The following MYO1D variants were observed in gnomAD, a reference collection of about 807,000 sequenced individuals.
MYO1D encodes myosin ID.
MYO1D carries 83 observed loss-of-function variants against 122.0 expected under a neutral mutation model. The observed-to-expected ratio is 0.68, with a 90% CI of 0.57 to 0.82. The LOEUF is 0.82. MYO1D is among the 40% of genes least tolerant of loss of function. MYO1D has a pLI of 0.00. For synonymous variants in MYO1D, 464 were observed against 446.9 expected (o/e 1.04, Z -0.48); for missense variants, 1,157 against 1,269.5 (o/e 0.91, Z 1.35).
At chr17:32,815,304 G>T (rs950593098) in intron 1 of MYO1D, among the ~76,000 whole-genome samples, 4 of 152,032 alleles carry the variant, frequency 2.6e-5, no homozygotes, top group African/African-American at 9.7e-5. Context: ...ATAAACTGTA[G>T]GAAAAAAGAT....
At chr17:32,772,273 C>G (rs530416052) in intron 5 of MYO1D, among the ~76,000 whole-genome samples, 2 of 152,152 alleles carry the variant, frequency 1.3e-5, no homozygotes, top group Non-Finnish European at 2.9e-5. Flanking sequence ...AATAAATACT[C>G]AAATTTTTTT....
rs947809603 is a variant in MYO1D at position 32,743,173 on chromosome 17, A to G, written c.1613+2038T>C. Among the ~76,000 whole-genome samples, 3 of 152,240 alleles carry G rather than the reference A, an allele frequency of 2.0e-5. 1 individual carries two copies. Among genetic ancestry groups the G allele is most frequent in the Middle Eastern group, 6.8e-3 (2 of 294 alleles). On this transcript the variant is annotated intron_variant, in intron 13 of 21. Transcript: ENST00000318217. Reference sequence around the variant, plus strand: ...TTGTCTCTACATGTTACAGTGTCTCAGGAATTAGTCTTTTTAACCTCTTCT... The same window carrying G: ...TTGTCTCTACATGTTACAGTGTCTCGGGAATTAGTCTTTTTAACCTCTTCT...
intron 7 of MYO1D, among the ~76,000 whole-genome samples, chr17:32,765,724 C>T (rs1191975396): frequency 3.3e-5 from 5 of 152,180 alleles, no homozygotes; most frequent in Non-Finnish European, 7.3e-5. Context: ...TCCCAAAGTG[C>T]TGGGATTACA....
Position 32,778,584 on chromosome 17 carries a change from A to C in MYO1D, c.305-11T>G. The C allele has an allele frequency of 6.2e-7, 1 of 1,605,378 alleles. No homozygotes were observed. The highest frequency in any genetic ancestry group is 8.5e-7 in the Non-Finnish European group (1 of 1,172,086). ...CAGCTCCACTTTCCCCTGGGGGGAA[A>C]AATTGTTCAGGGCTTAACATAATAA... On this transcript the variant is annotated splice_polypyrimidine_tract_variant and intron_variant, in intron 2 of 21. Coordinates refer to ENST00000318217, the MANE Select transcript of MYO1D (RefSeq NM_015194.3).
At chr17:32,732,824 G>C (rs1326279720) in intron 14 of MYO1D, among the ~76,000 whole-genome samples, 1 of 152,230 alleles carries the variant, frequency 6.6e-6, no homozygotes, top group Non-Finnish European at 1.5e-5. Context: ...GAGAAGAGCT[G>C]TGGCCCTTCA....
chr17:32,507,387 G>A (rs1218424345), intron 21 of MYO1D, among the ~76,000 whole-genome samples: 1 of 152,182 alleles, frequency 6.6e-6, no homozygotes, highest in Non-Finnish European at 1.5e-5. Flanking sequence ...CTGGGTGACA[G>A]AGCGAGACCC....
rs183054147 is a variant in MYO1D, at chr17:32,861,754, A to C, written c.95+15024T>G. 1.1e-3 allele frequency among the ~76,000 whole-genome samples: 163 copies of C among 152,236 alleles called. 1 individual carries two copies. The highest frequency in any genetic ancestry group is 2.2e-4 in the Non-Finnish European group (15 of 68,010). On this transcript the variant is annotated intron_variant, in intron 1 of 21. Transcript: ENST00000318217. Reference sequence around the variant, plus strand: ...ATGTCTCGGCCAGGTGCCACGGTTCACACCTGTAATTCCAACACTGGGAGG... The same window carrying C: ...ATGTCTCGGCCAGGTGCCACGGTTCCCACCTGTAATTCCAACACTGGGAGG...
At chr17:32,546,119 G>C (rs2086963076) in intron 21 of MYO1D, among the ~76,000 whole-genome samples, 1 of 152,042 alleles carries the variant, frequency 6.6e-6, no homozygotes, top group Non-Finnish European at 1.5e-5. Flanking sequence ...CACCCGCCCT[G>C]GAGCACCCAG....
intron 1 of MYO1D, among the ~76,000 whole-genome samples, chr17:32,871,268 A>G (rs1161452007): frequency 1.3e-5 from 2 of 152,318 alleles, no homozygotes; most frequent in African/African-American, 4.8e-5. Context: ...CATAAATGAA[A>G]GAGGAGTGGA....
chr17:32,712,836 G>A (rs1385199816), intron 15 of MYO1D, among the ~76,000 whole-genome samples: 4 of 152,176 alleles, frequency 2.6e-5, no homozygotes, highest in African/African-American at 9.7e-5. Flanking sequence ...GAGTGTGAGT[G>A]TGAACAAGAC....
intron 16 of MYO1D, among the ~76,000 whole-genome samples, chr17:32,683,093 G>T (rs1182734933): frequency 7.9e-6 from 1 of 126,622 alleles, no homozygotes; most frequent in African/African-American, 3.2e-5. Flanking sequence ...TTGGTTTTCA[G>T]CTCCATCAGC....
intron 21 of MYO1D, chr17:32,594,437 A>C (rs1248331618): frequency 8.8e-6 from 4 of 453,044 alleles, no homozygotes; most frequent in Non-Finnish European, 1.6e-5. Flanking sequence ...TACTTCATTC[A>C]AATAATTGAA....
In MYO1D at chr17:32,493,767, T is replaced by C. The variant is rs1298325635; in HGVS notation, c.*992A>G. The C allele has an allele frequency of 6.6e-6, 1 of 152,240 alleles. No individual in the cohort carries two copies. Among genetic ancestry groups the C allele is most frequent in the Non-Finnish European group, 1.5e-5 (1 of 68,100 alleles). The allele number at this position is 152,240 out of a possible 1,614,324, so 9.4% of individuals were successfully genotyped here. On this transcript the variant is annotated 3_prime_UTR_variant, in exon 22 of 22. Coordinates refer to ENST00000318217, the MANE Select transcript of MYO1D (RefSeq NM_015194.3). ...GTGGGCATCCTGGCCTGGCCTGCAG[T>C]GCCAGGACCCCACGCTGTGCTGCTG...
intron 1 of MYO1D, among the ~76,000 whole-genome samples, chr17:32,861,068 CTTT>C (rs1205679858): frequency 1.0e-4 from 14 of 135,730 alleles, no homozygotes; most frequent in Admixed American, 2.2e-4. Flanking sequence ...GGTGTTTATT[CTTT>C]TTTTTTTTTT....
intron 21 of MYO1D, among the ~76,000 whole-genome samples, chr17:32,576,682 G>T (rs887258508): frequency 2.0e-5 from 3 of 152,122 alleles, no homozygotes; most frequent in African/African-American, 7.2e-5. Context: ...ATGAGACAAG[G>T]TCTTGCTCTG....
At chr17:32,502,205 A>G (rs533408541) in intron 21 of MYO1D, among the ~76,000 whole-genome samples, 2 of 152,376 alleles carry the variant, frequency 1.3e-5, no homozygotes, top group South Asian at 2.1e-4. Context: ...CATCCATTCA[A>G]TGAAATATTA....
At position 32,654,587 on chromosome 17, in the gene MYO1D, C is replaced by A. The variant is rs1427555219; in HGVS notation, c.2380G>T (p.Ala794Ser). 2 of 1,613,394 alleles carry A rather than the reference C, an allele frequency of 1.2e-6. No individual in the cohort carries two copies. Among genetic ancestry groups the A allele is most frequent in the South Asian group, 1.1e-5 (1 of 90,948 alleles). The change falls in exon 18 of 22, where the codon GCC (alanine) becomes TCC (serine). Residue 794 changes from alanine to serine, a missense_variant. By Grantham distance (99) the Ala-to-Ser change is moderately conservative. Transcript: ENST00000318217. ...RASQLIKSIP[A>S]SDLPQVRAKV... ...GCCCTGACCTGGGGCAGGTCTGAGG[C>A]CGGAATGCTCTTGATGAGCTGGGAT...
At chr17:32,527,821 A>C (rs1910390590) in intron 21 of MYO1D, among the ~76,000 whole-genome samples, 1 of 145,622 alleles carries the variant, frequency 6.9e-6, no homozygotes, top group Admixed American at 7.2e-5. Context: ...AATAAAAGCT[A>C]CATAAAAGCA....
intron 4 of MYO1D, 34 bp downstream of exon 4, chr17:32,775,829 TA>T (rs1465278062): frequency 1.9e-6 from 3 of 1,543,060 alleles, no homozygotes; most frequent in Non-Finnish European, 2.7e-6. Context: ...ATTCAGCACT[TA>T]AAACATTACC....
Sources: gnomAD v4.1 joint callset for allele counts (sites outside exome capture counted in the v4.1 genomes callset) on GRCh38, gnomAD v4.1.1 for gene constraint, MANE v1.5 for transcripts, NCBI Gene and HGNC (gene_info 2026-07-23, HGNC 2026-07-21) for gene names.